FGF18: variants seen among roughly 807,000 people sequenced by gnomAD.
FGF18 encodes the protein fibroblast growth factor 18.
A neutral mutation model predicts 23.0 loss-of-function variants in FGF18; 5 were observed. That is an observed-to-expected ratio of 0.22 (90% confidence interval 0.11 to 0.46). FGF18 has a LOEUF of 0.46. Among genes scored for constraint, FGF18 ranks in the 20% least tolerant of loss-of-function variants. FGF18 has a pLI of 0.99. For synonymous variants in FGF18, 117 were observed against 118.9 expected (o/e 0.98, Z 0.10); for missense variants, 180 against 291.6 (o/e 0.62, Z 2.79).
chr5:171,448,355 C>A (rs1772447772), intron 3 of FGF18, among the ~76,000 whole-genome samples: 1 of 152,134 alleles, frequency 6.6e-6, no homozygotes, highest in Admixed American at 6.5e-5. Context: ...ATACCCTTTC[C>A]TAGGGAGCTC....
At chr5:171,435,761 G>C (rs1235255764) in intron 2 of FGF18, among the ~76,000 whole-genome samples, 1 of 152,162 alleles carries the variant, frequency 6.6e-6, no homozygotes, top group Admixed American at 6.5e-5. Context: ...CAGGGTAGGA[G>C]CTCTGCCCCA....
intron 4 of FGF18, among the ~76,000 whole-genome samples, chr5:171,452,393 C>G (rs1002173812): frequency 2.0e-5 from 3 of 152,210 alleles, no homozygotes; most frequent in Non-Finnish European, 4.4e-5. Context: ...TCTCTGGCCA[C>G]AGCAAGGGTA....
At chr5:171,423,107 C>T (rs1772041398) in intron 2 of FGF18, among the ~76,000 whole-genome samples, 1 of 152,148 alleles carries the variant, frequency 6.6e-6, no homozygotes, top group African/African-American at 2.4e-5. Flanking sequence ...TCCATCGCTA[C>T]CGGGCTCAGA....
chr5:171,443,789 G>A (rs553273480), intron 3 of FGF18, among the ~76,000 whole-genome samples: 129 of 152,088 alleles, frequency 8.5e-4, no homozygotes, highest in Non-Finnish European at 1.5e-3. Flanking sequence ...TCTGGATGCC[G>A]GAGAAGGGAG....
chr5:171,441,497 G>C (rs1772344232), intron 3 of FGF18, among the ~76,000 whole-genome samples: 2 of 152,174 alleles, frequency 1.3e-5, no homozygotes, highest in Non-Finnish European at 2.9e-5. Flanking sequence ...GCTGTCCTGA[G>C]AATGCTCTTC....
At chr5:171,422,286 A>C (rs540678005) in intron 2 of FGF18, among the ~76,000 whole-genome samples, 1 of 152,040 alleles carries the variant, frequency 6.6e-6, no homozygotes, top group Non-Finnish European at 1.5e-5. Flanking sequence ...TGCCCTGGTT[A>C]GGTCAAGAGG....
At chr5:171,425,766 G>A (rs539835030) in intron 2 of FGF18, among the ~76,000 whole-genome samples, 15 of 151,798 alleles carry the variant, frequency 9.9e-5, no homozygotes, top group East Asian at 7.8e-4. Context: ...TCCTGACCTC[G>A]TGATCTGCTT....
At chr5:171,442,270 G>A (rs1772358083) in intron 3 of FGF18, among the ~76,000 whole-genome samples, 1 of 152,170 alleles carries the variant, frequency 6.6e-6, no homozygotes, top group African/African-American at 2.4e-5. Context: ...GTGTGTGCCT[G>A]GGTGTGTGTG....
intron 2 of FGF18, among the ~76,000 whole-genome samples, chr5:171,432,676 C>T (rs1247512588): frequency 2.0e-5 from 3 of 152,200 alleles, no homozygotes; most frequent in East Asian, 3.9e-4. Flanking sequence ...GCGATCCGCC[C>T]ACCTCGGCCT....
intron 2 of FGF18, among the ~76,000 whole-genome samples, chr5:171,435,837 G>T (rs1054381343): frequency 3.3e-5 from 5 of 152,128 alleles, no homozygotes; most frequent in Non-Finnish European, 7.4e-5. Flanking sequence ...CTTTGTTGTC[G>T]CATAGACCTA....
intron 3 of FGF18, among the ~76,000 whole-genome samples, chr5:171,443,890 G>A (rs1332152570): frequency 6.6e-6 from 1 of 151,984 alleles, no homozygotes; most frequent in Non-Finnish European, 1.5e-5. Flanking sequence ...GAGCCCTGGG[G>A]AGACAGGCTC....
chr5:171,448,679 C>T (rs978475913), intron 3 of FGF18, among the ~76,000 whole-genome samples: 5 of 151,964 alleles, frequency 3.3e-5, no homozygotes, highest in Admixed American at 1.3e-4. Flanking sequence ...TTTGCATGGC[C>T]GCCTGTCCTG....
chr5:171,423,390 C>T (rs974896327), intron 2 of FGF18, among the ~76,000 whole-genome samples: 4 of 152,212 alleles, frequency 2.6e-5, no homozygotes, highest in African/African-American at 9.7e-5. Flanking sequence ...ACAATGACAC[C>T]GGGCTGGGCC....
chr5:171,439,793 G>A (rs1027843521), intron 3 of FGF18, among the ~76,000 whole-genome samples: 4 of 152,164 alleles, frequency 2.6e-5, no homozygotes, highest in African/African-American at 7.2e-5. Context: ...CTCTAGCATC[G>A]GGGGGTTTCC....
intron 3 of FGF18, among the ~76,000 whole-genome samples, chr5:171,439,671 C>T (rs1373403454): frequency 6.6e-6 from 1 of 152,100 alleles, no homozygotes; most frequent in Non-Finnish European, 1.5e-5. Flanking sequence ...AGGAGAAGGC[C>T]TCCTCCACCT....
chr5:171,419,757 C>T lies in FGF18; in HGVS notation c.-443C>T, dbSNP rs1283966846. ...TCGCGCTGCAGCCGCGCGCCCCGAC[C>T]CCGGAGCGCTGACCCCTGGCCCCAC... is the stretch of plus-strand genomic sequence containing the variant. On this transcript the variant is annotated 5_prime_UTR_variant, in exon 1 of 5. Coordinates refer to ENST00000274625, the MANE Select transcript of FGF18 (RefSeq NM_003862.3). The T allele has an allele frequency of 1.3e-5, 2 of 151,622 alleles. No homozygotes were observed. The highest frequency in any genetic ancestry group is 2.9e-5 in the Non-Finnish European group (2 of 67,950). The allele number at this position is 151,622 out of a possible 1,614,324, so 9.4% of individuals were successfully genotyped here. A position where few individuals can be genotyped will look rare whatever the true frequency, so the allele number is the denominator to read the frequency against.
At chr5:171,430,760 AGTCCG>A (rs1772169099) in intron 2 of FGF18, among the ~76,000 whole-genome samples, 2 of 140,234 alleles carry the variant, frequency 1.4e-5, no homozygotes, top group Non-Finnish European at 3.1e-5. Flanking sequence ...TGCAGTCCGT[AGTCCG>A]GCCTGGGCGA....
intron 3 of FGF18, among the ~76,000 whole-genome samples, chr5:171,447,005 C>A (rs1772428357): frequency 6.6e-6 from 1 of 152,100 alleles, no homozygotes; most frequent in South Asian, 2.1e-4. Flanking sequence ...TTTTTCTTTT[C>A]TTTTGGGAAA....
intron 2 of FGF18, among the ~76,000 whole-genome samples, chr5:171,425,244 T>A (rs774098591): frequency 2.5e-4 from 38 of 152,170 alleles, no homozygotes; most frequent in Non-Finnish European, 4.7e-4. Flanking sequence ...GCCAAGTGCT[T>A]TTTTTGTTAC....
Sources: gnomAD v4.1 joint callset for allele counts (sites outside exome capture counted in the v4.1 genomes callset) on GRCh38, gnomAD v4.1.1 for gene constraint, MANE v1.5 for transcripts, NCBI Gene and HGNC (gene_info 2026-07-23, HGNC 2026-07-21) for gene names.